Variants in NUP58 observed in about 807,000 individuals in gnomAD.
The protein encoded by NUP58 is nucleoporin 58, also known as nucleoporin p58/p45.
In NUP58, 17 loss-of-function variants were observed where a neutral mutation model predicts 70.1. The ratio of observed to expected loss-of-function variants is 0.24; its 90% CI spans 0.17 to 0.36. The LOEUF (loss-of-function observed/expected upper bound fraction) is 0.36, where lower values mean the gene tolerates loss of function less well. Among genes scored for constraint, NUP58 ranks in the 10% least tolerant of loss-of-function variants. NUP58 has a pLI of 1.00. For missense variants in NUP58, 644 were observed against 701.5 expected, an observed-to-expected ratio of 0.92 and a Z score of 0.93; for synonymous variants, 275 against 257.6, an observed-to-expected ratio of 1.07 and a Z score of -0.65.
downstream of NUP58, among the ~76,000 whole-genome samples, chr13:25,343,261 A>C (rs564005889): frequency 6.6e-6 from 1 of 151,838 alleles, no homozygotes; most frequent in African/African-American, 2.4e-5. Context: ...CTTAGAGAAC[A>C]TAGGATGTTT....
intron 13 of NUP58, chr13:25,336,289 A>G (rs2031779318): frequency 7.5e-7 from 1 of 1,334,214 alleles, no homozygotes; most frequent in African/African-American, 1.5e-5. Context: ...TGGAATTGTC[A>G]TGTTACTGTG....
intron 9 of NUP58, among the ~76,000 whole-genome samples, chr13:25,322,392 A>G (rs2031222672): frequency 6.6e-6 from 1 of 152,204 alleles, no homozygotes; most frequent in Admixed American, 6.5e-5. Flanking sequence ...CTGTCCTCAG[A>G]CTTCCTGGTC....
intron 13 of NUP58, chr13:25,332,594 C>T (rs1181273207): frequency 2.0e-6 from 2 of 985,276 alleles, no homozygotes; most frequent in Non-Finnish European, 2.4e-6. Flanking sequence ...GGGAAGCATT[C>T]TCTGGTTTTC....
intron 4 of NUP58, 94 bp from the exon 5 acceptor site, chr13:25,313,520 T>TG: frequency 8.5e-7 from 1 of 1,174,604 alleles, no homozygotes; most frequent in Non-Finnish European, 1.1e-6. Context: ...AATTTTATCA[T>TG]GGATGTCAGT....
At chr13:25,319,139 G>A (rs1282185420) in intron 6 of NUP58, among the ~76,000 whole-genome samples, 187 bp from the exon 7 acceptor site, 1 of 152,164 alleles carries the variant, frequency 6.6e-6, no homozygotes, top group Non-Finnish European at 1.5e-5. Context: ...GTGTACAGAT[G>A]TCTTCATAAA....
intron 2 of NUP58, among the ~76,000 whole-genome samples, chr13:25,308,721 T>C (rs531296559): frequency 6.6e-6 from 1 of 152,184 alleles, no homozygotes; most frequent in Non-Finnish European, 1.5e-5. Flanking sequence ...AAAGTTTTTG[T>C]TTTTAGTACA....
rs758545712 is a variant in NUP58 at position 25,312,993 on chromosome 13, G to A, written c.397G>A (p.Gly133Ser). 6.2e-6 allele frequency: 10 copies of A among 1,614,002 alleles called. No homozygotes were observed. Among genetic ancestry groups the A allele is most frequent in the African/African-American group, 1.3e-5 (1 of 74,902 alleles). ...ACCTATTACCTCTACCTCAGCTAGC[G>A]GTCTGACTCTTTCGTCTGCTCTGAC... ...ALPITSTSAS[G>S]LTLSSALTST... Residue 133 changes from glycine (G) to serine (S), a missense_variant, in exon 4 of 16, where the codon GGT becomes AGT. Gly to Ser is a moderately conservative substitution (Grantham distance 56, BLOSUM62 0). This residue lies in a region of NUP58 where 430 missense variants were observed against 409.2 expected (regional missense o/e 1.05). Coordinates refer to ENST00000381736, the MANE Select transcript of NUP58 (RefSeq NM_014089.4).
At chr13:25,333,613 G>A in intron 13 of NUP58, 1 of 985,278 alleles carries the variant, frequency 1.0e-6, no homozygotes, top group Non-Finnish European at 1.2e-6. Context: ...TTCTCTAAAG[G>A]TCTCCCAGGC....
chr13:25,348,188 G>A (rs1382850769), intron 3 of NUP58, among the ~76,000 whole-genome samples: 4 of 152,124 alleles, frequency 2.6e-5, no homozygotes, highest in African/African-American at 9.7e-5. Flanking sequence ...CGACATTTAA[G>A]TGTGTTTGGA....
intron 3 of NUP58, 31 bp downstream of exon 3, chr13:25,309,313 T>G: frequency 6.6e-7 from 1 of 1,524,954 alleles, no homozygotes; most frequent in Non-Finnish European, 9.0e-7. Context: ...ATCCCAGCTC[T>G]GTGGTCTTCT....
intron 6 of NUP58, among the ~76,000 whole-genome samples, chr13:25,316,726 C>T (rs2030947376): frequency 6.6e-6 from 1 of 152,074 alleles, no homozygotes; most frequent in African/African-American, 2.4e-5. Flanking sequence ...GAGAGTACTT[C>T]TCTATTATAA....
chr13:25,324,009 G>A (rs2031293238), intron 9 of NUP58, among the ~76,000 whole-genome samples: 1 of 152,150 alleles, frequency 6.6e-6, no homozygotes, highest in Admixed American at 6.6e-5. Flanking sequence ...TTGAAAAAGA[G>A]GAAAGTATCA....
At chr13:25,307,081 A>G (rs1049529445) in intron 1 of NUP58, among the ~76,000 whole-genome samples, 4 of 152,292 alleles carry the variant, frequency 2.6e-5, no homozygotes, top group South Asian at 4.1e-4. Flanking sequence ...TAACTTTTCT[A>G]TGACCATTTA....
At chr13:25,335,109 C>A in intron 13 of NUP58, 4 of 985,132 alleles carry the variant, frequency 4.1e-6, no homozygotes, top group Non-Finnish European at 4.8e-6. Flanking sequence ...AAATGTTATA[C>A]ATTTGCCTAC....
rs1311430265 is a variant in NUP58 at position 25,304,504 on chromosome 13, A to G, written c.107+2624A>G. Among the ~76,000 whole-genome samples the G allele has an allele frequency of 1.1e-4, 10 of 94,700 alleles. No homozygotes were observed. In the South Asian group the frequency reaches 2.1e-3, roughly 20 times the overall value. The allele number at this position is 94,700 out of a possible 152,430, so 62.1% of individuals were successfully genotyped here. On this transcript the variant is annotated intron_variant, in intron 1 of 15. Transcript: ENST00000381736. ...TATATATATATATATATATATATAT[A>G]TATATATATATATGTATTTTTTTTT...
chr13:25,307,466 G>A lies in NUP58; in HGVS notation c.108-340G>A, dbSNP rs534041332. On this transcript the variant is annotated intron_variant, in intron 1 of 15. Transcript: ENST00000381736. ...CCTGACCTTGTGATCCACCTGCCTC[G>A]GCCTCCCAAAGTGCTGGAATTACAG... is the stretch of plus-strand genomic sequence containing the variant. 7.0e-4 allele frequency among the ~76,000 whole-genome samples: 106 copies of A among 151,776 alleles called. No homozygotes were observed. In the South Asian group the frequency reaches 8.3e-3, roughly 12 times the overall value.
chr13:25,315,165 A>G (rs768780931), intron 5 of NUP58, among the ~76,000 whole-genome samples, 192 bp from the exon 6 acceptor site: 1 of 152,236 alleles, frequency 6.6e-6, no homozygotes, highest in Non-Finnish European at 1.5e-5. Flanking sequence ...TCCAAACTGC[A>G]TATGCCATCG....
chr13:25,305,847 A>G (rs905908304), intron 1 of NUP58, among the ~76,000 whole-genome samples: 5 of 151,818 alleles, frequency 3.3e-5, no homozygotes, highest in African/African-American at 1.2e-4. Flanking sequence ...TGGCTTCTTA[A>G]GCTGATTATG....
intron 14 of NUP58, 43 bp downstream of exon 14, chr13:25,337,077 T>C: frequency 7.3e-7 from 1 of 1,372,482 alleles, no homozygotes; most frequent in Non-Finnish European, 1.0e-6. Flanking sequence ...CTATTATATA[T>C]TTGAATTGAT....
Sources: allele counts gnomAD v4.1 joint callset (sites outside exome capture counted in the v4.1 genomes callset), GRCh38; gene constraint gnomAD v4.1.1; regional missense constraint gnomAD v4.1.1; transcripts MANE v1.5; gene names NCBI Gene and HGNC (gene_info 2026-07-23, HGNC 2026-07-21).